Variants in PDE3B observed in about 807,000 individuals in gnomAD.
The protein encoded by PDE3B is phosphodiesterase 3B, also known as cGMP-inhibited 3',5'-cyclic phosphodiesterase 3B.
PDE3B carries 66 observed loss-of-function variants against 116.8 expected under a neutral mutation model. That is an observed-to-expected ratio of 0.56 (90% confidence interval 0.46 to 0.69). The LOEUF (loss-of-function observed/expected upper bound fraction) is 0.69, where lower values mean the gene tolerates loss of function less well. Among genes scored for constraint, PDE3B ranks in the 30% least tolerant of loss-of-function variants. PDE3B has a pLI of 0.00. For synonymous variants in PDE3B, 595 were observed against 533.6 expected (o/e 1.12, Z -1.59); for missense variants, 1,384 against 1,368.1 (o/e 1.01, Z -0.18).
chr11:14,650,989 T>A (rs1294863577), intron 1 of PDE3B, among the ~76,000 whole-genome samples: 2 of 151,850 alleles, frequency 1.3e-5, no homozygotes, highest in African/African-American at 2.4e-5. Context: ...GATAATTTGT[T>A]ACAGGAGCAT....
Position 14,709,024 on chromosome 11 carries a change from A to G in PDE3B, c.979-62913A>G, listed in dbSNP as rs564614251. 2.2e-4 allele frequency among the ~76,000 whole-genome samples: 33 copies of G among 152,288 alleles called. No individual in the cohort carries two copies. In the South Asian group the frequency reaches 6.2e-3, roughly 29 times the overall value. Reference sequence around the variant, plus strand: ...CATTGTCAGAAATACTATCAATTCTATGTTGAGTTTATCAAGCAAAATTCC... The same window carrying G: ...CATTGTCAGAAATACTATCAATTCTGTGTTGAGTTTATCAAGCAAAATTCC... On this transcript the variant is annotated intron_variant, in intron 1 of 15. Transcript: ENST00000282096.
the PDE3B span, chr11:14,891,950 C>T: frequency 1.9e-6 from 3 of 1,606,864 alleles, no homozygotes; most frequent in Non-Finnish European, 2.5e-6. Context: ...GCCTGGCGGC[C>T]CTCCCTGCCC....
chr11:14,653,900 A>C (rs1446937735), intron 1 of PDE3B, among the ~76,000 whole-genome samples: 1 of 152,102 alleles, frequency 6.6e-6, no homozygotes, highest in Admixed American at 6.6e-5. Flanking sequence ...TGGGAGGCTA[A>C]TGTGGGAGCA....
chr11:14,694,840 C>G (rs1427448876), intron 1 of PDE3B, among the ~76,000 whole-genome samples: 2 of 152,094 alleles, frequency 1.3e-5, no homozygotes. Flanking sequence ...GTAGATACCT[C>G]CAAATTACAG....
At position 14,709,979 on chromosome 11, in the gene PDE3B, C is replaced by A. The variant is rs561517196; in HGVS notation, c.979-61958C>A. ...AAGGAATTCTAAAGGTAAAATAACA[C>A]CCTACATTGATAGCTTGGTCCATTA... On this transcript the variant is annotated intron_variant, in intron 1 of 15. Coordinates refer to ENST00000282096, the MANE Select transcript of PDE3B (RefSeq NM_000922.4). Among the ~76,000 whole-genome samples the A allele has an allele frequency of 1.1e-4, 16 of 152,224 alleles. No homozygotes were observed. In the East Asian group the frequency reaches 3.1e-3, roughly 29 times the overall value.
chr11:14,649,949 T>C lies in PDE3B; in HGVS notation c.978+4896T>C, dbSNP rs1590029471. On this transcript the variant is annotated intron_variant, in intron 1 of 15. Transcript: ENST00000282096. ...GGGTGGTTCCTGACAGTTTATAACA[T>C]TGACTTGTTGTTCATCTTGTTATTT... is the stretch of plus-strand genomic sequence containing the variant. Among the ~76,000 whole-genome samples the C allele has an allele frequency of 2.0e-5, 3 of 152,212 alleles. No individual in the cohort carries two copies. In the East Asian group the frequency reaches 5.8e-4, roughly 29 times the overall value.
rs770584990 is a variant in PDE3B at position 14,644,342 on chromosome 11, C to T, written c.267C>T (p.Val89=). The change falls in exon 1 of 16, where the codon GTC becomes GTT. Residue 89 remains valine (V), a synonymous_variant. Coordinates refer to ENST00000282096, the MANE Select transcript of PDE3B (RefSeq NM_000922.4). ...RLSLGALAAF[V]LALLLGAEPE... ...CGCTGGGCGCCCTGGCTGCCTTTGT[C>T]CTCGCCCTGCTGCTGGGCGCGGAAC... 5 of 1,586,292 alleles carry T rather than the reference C, an allele frequency of 3.2e-6. No individual in the cohort carries two copies. The Admixed American group carries it at 5.2e-5, about 17-fold the overall frequency.
chr11:14,762,456 T>C (rs556344635), intron 1 of PDE3B, among the ~76,000 whole-genome samples: 1 of 152,220 alleles, frequency 6.6e-6, no homozygotes, highest in Non-Finnish European at 1.5e-5. Context: ...TATTGAACTT[T>C]CCTGGCCTGT....
At chr11:14,831,961 T>C (rs1008471300) in intron 9 of PDE3B, among the ~76,000 whole-genome samples, 184 bp downstream of exon 9, 2 of 152,116 alleles carry the variant, frequency 1.3e-5, no homozygotes, top group Non-Finnish European at 2.9e-5. Flanking sequence ...CATACTATTA[T>C]ATATATGACA....
intron 9 of PDE3B, among the ~76,000 whole-genome samples, chr11:14,832,045 T>A (rs901533876): frequency 2.0e-5 from 3 of 152,208 alleles, no homozygotes; most frequent in Non-Finnish European, 4.4e-5. Context: ...TTTTCTTGAA[T>A]GTGGAGGTTG....
intron 1 of PDE3B, among the ~76,000 whole-genome samples, chr11:14,710,343 T>C (rs923284483): frequency 6.6e-6 from 1 of 152,188 alleles, no homozygotes. Flanking sequence ...TCCTAGGACA[T>C]CCTCTTCCAC....
chr11:14,700,979 A>G (rs1016415255), intron 1 of PDE3B: 2 of 151,526 alleles, frequency 1.3e-5, no homozygotes, highest in African/African-American at 4.8e-5. Context: ...AGGATTATTG[A>G]TTTTGTTCAT....
At chr11:14,893,235 G>A in the PDE3B span, among the ~76,000 whole-genome samples, 2 of 152,202 alleles carry the variant, frequency 1.3e-5, no homozygotes, top group East Asian at 3.8e-4. Context: ...AGAGGGAAGA[G>A]CAATGACATG....
chr11:14,746,601 C>G (rs1407633542), intron 1 of PDE3B, among the ~76,000 whole-genome samples: 2 of 152,082 alleles, frequency 1.3e-5, no homozygotes, highest in African/African-American at 4.8e-5. Context: ...ATAAACTTAC[C>G]TAAATGTTTT....
the PDE3B span, chr11:14,880,125 A>C: frequency 6.2e-7 from 1 of 1,612,036 alleles, no homozygotes; most frequent in Non-Finnish European, 8.5e-7. Flanking sequence ...GATCATCAAG[A>C]GAATCCTCAC....
chr11:14,651,415 T>A (rs976011276), intron 1 of PDE3B, among the ~76,000 whole-genome samples: 2 of 152,170 alleles, frequency 1.3e-5, no homozygotes, highest in Non-Finnish European at 2.9e-5. Context: ...ACTCAACATA[T>A]TTTTTTGGGG....
At chr11:14,781,674 G>A (rs1858007273) in intron 2 of PDE3B, among the ~76,000 whole-genome samples, 1 of 152,128 alleles carries the variant, frequency 6.6e-6, no homozygotes, top group East Asian at 1.9e-4. Flanking sequence ...AATAATAAGA[G>A]CTATGTATGA....
intron 1 of PDE3B, among the ~76,000 whole-genome samples, chr11:14,658,636 T>C (rs978316789): frequency 6.6e-6 from 1 of 152,246 alleles, no homozygotes; most frequent in Non-Finnish European, 1.5e-5. Context: ...ATTACAGGCA[T>C]GAGCCACCGC....
chr11:14,759,020 G>A (rs984622816), intron 1 of PDE3B, among the ~76,000 whole-genome samples: 1 of 152,070 alleles, frequency 6.6e-6, no homozygotes, highest in African/African-American at 2.4e-5. Context: ...CATCTATTGA[G>A]ATAGTCATGT....
Sources: gnomAD v4.1 joint callset for allele counts (sites outside exome capture counted in the v4.1 genomes callset) on GRCh38, gnomAD v4.1.1 for gene constraint, MANE v1.5 for transcripts, NCBI Gene and HGNC (gene_info 2026-07-23, HGNC 2026-07-21) for gene names.